Variants in FRMD1 observed in about 807,000 individuals in gnomAD.
FRMD1 encodes the protein FERM domain containing 1, also known as FERM domain-containing protein 1.
Under a neutral mutation model 54.9 loss-of-function variants are expected in FRMD1, and 51 were observed. The observed-to-expected ratio is 0.93, with a 90% CI of 0.74 to 1.17. The LOEUF (loss-of-function observed/expected upper bound fraction) is 1.17, where lower values mean the gene tolerates loss of function less well. Among genes scored for constraint, FRMD1 ranks in the 50% most tolerant of loss-of-function variants. FRMD1 has a pLI of 0.00. For missense variants in FRMD1, 729 were observed against 743.0 expected, an observed-to-expected ratio of 0.98 and a Z score of 0.22; for synonymous variants, 324 against 306.4, an observed-to-expected ratio of 1.06 and a Z score of -0.60.
At chr6:168,065,786 C>A (rs1379012738) in intron 4 of FRMD1, 3 of 997,308 alleles carry the variant, frequency 3.0e-6, no homozygotes, top group East Asian at 2.3e-4. Context: ...CCCCCTAGAA[C>A]CTTCCACACA....
intron 1 of FRMD1, among the ~76,000 whole-genome samples, chr6:168,090,271 G>A (rs912389797): frequency 6.6e-6 from 1 of 152,150 alleles, no homozygotes; most frequent in Non-Finnish European, 1.5e-5. Context: ...AATCACAGCA[G>A]AGAACTCCTG....
chr6:168,087,080 T>C (rs1052231598), intron 1 of FRMD1, among the ~76,000 whole-genome samples: 2 of 152,174 alleles, frequency 1.3e-5, no homozygotes, highest in African/African-American at 4.8e-5. Context: ...CTTTTTTTTT[T>C]TTCTTCATGT....
rs189413185 is a variant in FRMD1, at chr6:168,055,091, G to A, written c.*2006C>T. On this transcript the variant is annotated 3_prime_UTR_variant, in exon 11 of 11. Transcript: ENST00000283309. ...GTCTGTCCACAAGGCCCAGAGGAAGGACAGAAATAGGAATCCCCAGTGGGG... is the reference window on the plus strand; with the variant it reads ...GTCTGTCCACAAGGCCCAGAGGAAGAACAGAAATAGGAATCCCCAGTGGGG... 30 of 152,394 alleles carry A rather than the reference G, an allele frequency of 2.0e-4. No homozygotes were observed. The highest frequency in any genetic ancestry group is 6.5e-4 in the African/African-American group (27 of 41,596). The allele number at this position is 152,394 out of a possible 1,614,324, so 9.4% of individuals were successfully genotyped here.
At position 168,079,050 on chromosome 6, in the gene FRMD1, T is replaced by A; in HGVS notation, c.45A>T (p.Thr15=). 6.2e-7 allele frequency: 1 copy of A among 1,610,588 alleles called. No individual in the cohort carries two copies. The highest frequency in any genetic ancestry group is 8.5e-7 in the Non-Finnish European group (1 of 1,179,908). ...CTGAAGGAGGGAACGTGTCAGGGTT[T>A]GTCCGGGCGGGGTCTATGCCCCTCC... ...PRGRGIDPAR[T]NPDTFPPSGA... Residue 15 remains threonine, a synonymous_variant, in exon 1 of 11, where the codon ACA becomes ACT. Coordinates refer to ENST00000283309, the MANE Select transcript of FRMD1 (RefSeq NM_024919.6).
Position 168,067,386 on chromosome 6 carries a change from C to T in FRMD1, c.365G>A (p.Trp122Ter), listed in dbSNP as rs757113536. 8 of 1,603,456 alleles carry T rather than the reference C, an allele frequency of 5.0e-6. No homozygotes were observed. In the East Asian group the frequency reaches 1.1e-4, roughly 22 times the overall value. ...QKLSKYFSKD[W>*]KKERNEGNEK... is the part of the protein sequence containing the mutation. ...ACTTACTTCATTTCTTTCTTTCTTC[C>T]AATCTTTTGAGAAGTACTTGCTGAG... Residue 122 changes from tryptophan to a stop codon, truncating the protein, a stop_gained, in exon 3 of 11, where the codon TGG (tryptophan) becomes TAG (stop). Coordinates refer to ENST00000283309, the MANE Select transcript of FRMD1 (RefSeq NM_024919.6). LOFTEE classifies it high-confidence loss of function.
At position 168,066,799 on chromosome 6, in the gene FRMD1, G is replaced by A. The variant is rs1197962094; in HGVS notation, c.417C>T (p.Ala139=). Residue 139 remains alanine (A), a synonymous_variant, in exon 4 of 11, where the codon GCC becomes GCT. Transcript: ENST00000283309. ...CCACGTAGTGCTGCACTCGGAGGAA[G>A]GCCACGAAGGGGGCTCTGGGTTTCT... is the stretch of plus-strand genomic sequence containing the variant. The part of the protein sequence containing the change: ...GNEKPRAPFV[A]FLRVQHYVEN... 1.2e-6 allele frequency: 2 copies of A among 1,614,052 alleles called. No individual in the cohort carries two copies. The highest frequency in any genetic ancestry group is 1.7e-6 in the Non-Finnish European group (2 of 1,180,008).
upstream of FRMD1, chr6:168,081,918 A>G (rs1800838671): frequency 5.8e-6 from 1 of 172,950 alleles, no homozygotes; most frequent in Non-Finnish European, 1.2e-5. Flanking sequence ...TATGCAAACT[A>G]TATCTCAATA....
At position 168,066,613 on chromosome 6, in the gene FRMD1, C is replaced by T; in HGVS notation, c.461+142G>A. ...ATTCCTGTGTTAACCCCAAAGCAAA[C>T]AGCCGATATAGTGGGGTTGTTTGTT... On this transcript the variant is annotated intron_variant, in intron 4 of 10. Coordinates refer to ENST00000283309, the MANE Select transcript of FRMD1 (RefSeq NM_024919.6). 2.1e-6 allele frequency: 3 copies of T among 1,425,572 alleles called. 1 individual carries two copies. The South Asian group carries it at 4.8e-5, about 23-fold the overall frequency. The allele number at this position is 1,425,572 out of a possible 1,614,324, so 88.3% of individuals were successfully genotyped here.
rs913446767 is a variant in FRMD1 at position 168,059,370 on chromosome 6, C to T, written c.1343-182G>A. On this transcript the variant is annotated intron_variant, in intron 9 of 10. Coordinates refer to ENST00000283309, the MANE Select transcript of FRMD1 (RefSeq NM_024919.6). The surrounding 1 kb of genome is among the most constrained non-coding windows in gnomAD (Gnocchi z 4.4). ...CTCCATTCCCCGACATCTGATAAAACGGCCCCTTGCTGTGCAGATGCGGGA... is the reference window on the plus strand; with the variant it reads ...CTCCATTCCCCGACATCTGATAAAATGGCCCCTTGCTGTGCAGATGCGGGA... 1.1e-4 allele frequency among the ~76,000 whole-genome samples: 16 copies of T among 152,212 alleles called. No individual in the cohort carries two copies. The highest frequency in any genetic ancestry group is 1.0e-3 in the South Asian group (5 of 4,836).
At chr6:168,061,130 C>T (rs534183471) in intron 8 of FRMD1, 73 bp from the exon 9 acceptor site, 225 of 1,458,948 alleles carry the variant, frequency 1.5e-4, no homozygotes, top group Middle Eastern at 2.2e-4. Context: ...AGGAAGAGCC[C>T]GGGAGACAGA....
Position 168,061,833 on chromosome 6 carries a change from T to A in FRMD1, c.1019A>T (p.Gln340Leu). ...TTCTGCCTCCTCCCGCTGCCGCAGC[T>A]GTTGCAGAGTGGGCCGCACGCGGAG... ...LHLRVRPTLQ[Q>L]LRQREEAEEK... The change falls in exon 8 of 11, where the codon CAG becomes CTG. Residue 340 changes from glutamine (Q) to leucine (L), a missense_variant. Physicochemically the swap from Gln to Leu is moderately radical, Grantham distance 113. Transcript: ENST00000283309. 6.4e-7 allele frequency: 1 copy of A among 1,568,542 alleles called. No individual in the cohort carries two copies. Among genetic ancestry groups the A allele is most frequent in the Non-Finnish European group, 8.6e-7 (1 of 1,158,152 alleles).
At chr6:168,074,436 ATGTGCGAGTGGTGTGTAAC>A (rs1401116368) in intron 2 of FRMD1, among the ~76,000 whole-genome samples, 1 of 151,828 alleles carries the variant, frequency 6.6e-6, no homozygotes, top group Admixed American at 6.6e-5. Context: ...ACATGTGTAC[ATGTGCGAGTGGTGTGTAAC>A]TGTGTGCATG....
chr6:168,083,636 T>C (rs6917096), upstream of FRMD1, among the ~76,000 whole-genome samples: 135,025 of 152,288 alleles, frequency 0.89, 59,888 homozygotes, highest in South Asian at 0.91. Context: ...AGAGCAGACT[T>C]GAAAGGCCCC....
chr6:168,075,626 C>T, intron 1 of FRMD1: 1 of 852,948 alleles, frequency 1.2e-6, no homozygotes, highest in Non-Finnish European at 1.9e-6. Flanking sequence ...TTTCCCGAGA[C>T]CAGTCAGGGA....
chr6:168,090,120 C>G (rs1245353191), intron 1 of FRMD1, among the ~76,000 whole-genome samples: 1 of 152,130 alleles, frequency 6.6e-6, no homozygotes, highest in Non-Finnish European at 1.5e-5. Context: ...GACCCCGTTC[C>G]CACCTCCACG....
chr6:168,057,114 G>A lies in FRMD1; in HGVS notation c.1633C>T (p.Gln545Ter). The A allele has an allele frequency of 6.7e-7, 1 of 1,490,066 alleles. No homozygotes were observed. The highest frequency in any genetic ancestry group is 2.5e-5 in the East Asian group (1 of 40,694). The allele number at this position is 1,490,066 out of a possible 1,614,324, so 92.3% of individuals were successfully genotyped here. A position where few individuals can be genotyped will look rare whatever the true frequency, so the allele number is the denominator to read the frequency against. ...GGTGGTGCCTACACCACAAACTCCT[G>A]TGGTGGAGCCTCTCCGAACAGGTCC... The part of the protein sequence containing the change: ...ALDLFGEAPP[Q>*]EFVV The change falls in exon 11 of 11, where the codon CAG becomes TAG. Residue 545 changes from glutamine to a stop codon, truncating the protein, a stop_gained. Transcript: ENST00000283309. LOFTEE classifies it high-confidence loss of function.
chr6:168,073,441 G>A (rs1002587378), intron 2 of FRMD1, among the ~76,000 whole-genome samples: 6 of 152,184 alleles, frequency 3.9e-5, no homozygotes, highest in African/African-American at 1.4e-4. Context: ...AGGCTGGCCT[G>A]CTGGACCCCA....
chr6:168,071,260 CTT>C (rs1019917821), intron 2 of FRMD1, among the ~76,000 whole-genome samples: 2 of 152,230 alleles, frequency 1.3e-5, no homozygotes, highest in African/African-American at 4.8e-5. Flanking sequence ...AATCACATCT[CTT>C]GTTTTTTGCT....
At chr6:168,092,376 C>T (rs777809247) in intron 1 of FRMD1, among the ~76,000 whole-genome samples, 2 of 152,212 alleles carry the variant, frequency 1.3e-5, no homozygotes, top group Non-Finnish European at 2.9e-5. Flanking sequence ...CGTGGAAATT[C>T]TCACGCGAGG....
Sources: allele counts gnomAD v4.1 joint callset (sites outside exome capture counted in the v4.1 genomes callset), GRCh38; gene constraint gnomAD v4.1.1; non-coding constraint Gnocchi (gnomAD v3.1); transcripts MANE v1.5; gene names NCBI Gene and HGNC (gene_info 2026-07-23, HGNC 2026-07-21).